The following PYM1 variants were observed in gnomAD, a reference collection of about 807,000 sequenced individuals.
PYM1 encodes the protein PYM1 exon junction complex associated factor.
PYM1 carries 7 observed loss-of-function variants against 20.7 expected under a neutral mutation model. The ratio of observed to expected loss-of-function variants is 0.34; its 90% CI spans 0.19 to 0.64. The LOEUF is 0.64. PYM1 is among the 30% of genes least tolerant of loss of function. The pLI, the probability that PYM1 is intolerant of heterozygous loss-of-function variation, is 0.74. For missense variants in PYM1, 194 were observed against 250.0 expected (o/e 0.78, Z 1.51); for synonymous variants, 100 against 99.2 (o/e 1.01, Z -0.05).
At chr12:55,905,906 TAGATATA>T (rs1882799787) in intron 1 of PYM1, among the ~76,000 whole-genome samples, 1 of 125,102 alleles carries the variant, frequency 8.0e-6, no homozygotes, top group East Asian at 2.1e-4. Flanking sequence ...ATATATCTAA[TAGATATA>T]TATATTATTA....
At chr12:55,908,456 GA>G (rs1217364052) in intron 1 of PYM1, among the ~76,000 whole-genome samples, 1 of 149,622 alleles carries the variant, frequency 6.7e-6, no homozygotes, top group Non-Finnish European at 1.5e-5. Context: ...AAAGAAAAAA[GA>G]AAAAAAGACT....
intron 1 of PYM1, among the ~76,000 whole-genome samples, chr12:55,918,965 G>T (rs186399710): frequency 6.6e-6 from 1 of 152,142 alleles, no homozygotes; most frequent in South Asian, 2.1e-4. Context: ...TTAAACAGGG[G>T]TTATCCCTAA....
intron 1 of PYM1, among the ~76,000 whole-genome samples, chr12:55,912,982 T>A (rs1592638597): frequency 6.6e-6 from 1 of 151,136 alleles, no homozygotes; most frequent in Non-Finnish European, 1.5e-5. Flanking sequence ...AAAAAAAAAA[T>A]AGAAACTAAA....
At chr12:55,927,374 G>A (rs1429296389) in intron 1 of PYM1, 1 of 719,974 alleles carries the variant, frequency 1.4e-6, no homozygotes, top group Non-Finnish European at 2.5e-6. Flanking sequence ...GAGAAGTTCC[G>A]AGGCACAGTC....
intron 1 of PYM1, among the ~76,000 whole-genome samples, chr12:55,912,047 T>G (rs1045125664): frequency 2.6e-5 from 4 of 152,000 alleles, no homozygotes; most frequent in African/African-American, 9.7e-5. Context: ...TTTAAAAACT[T>G]TTTTGAAAAT....
intron 1 of PYM1, among the ~76,000 whole-genome samples, chr12:55,916,778 C>G (rs1302594665): frequency 1.3e-5 from 2 of 151,914 alleles, no homozygotes; most frequent in African/African-American, 4.8e-5. Context: ...ACAGCCTGGG[C>G]AACAACAGCA....
At chr12:55,924,054 C>T (rs1266974267) in intron 1 of PYM1, among the ~76,000 whole-genome samples, 3 of 148,310 alleles carry the variant, frequency 2.0e-5, no homozygotes, top group Non-Finnish European at 3.0e-5. Flanking sequence ...CCAGCCTGGG[C>T]GACAGAGTGA....
At position 55,901,949 on chromosome 12, in the gene PYM1, T is replaced by C; in HGVS notation, c.538A>G (p.Ser180Gly). 6.2e-7 allele frequency: 1 copy of C among 1,614,162 alleles called. No homozygotes were observed. The highest frequency in any genetic ancestry group is 8.5e-7 in the Non-Finnish European group (1 of 1,180,028). ...RIQAGEVSQP[S>G]KEQLEKLARR... ...GCTAGCTTTTCTAGCTGCTCTTTGCTAGGCTGGCTGACTTCCCCAGCCTGG... is the reference window on the plus strand; with the variant it reads ...GCTAGCTTTTCTAGCTGCTCTTTGCCAGGCTGGCTGACTTCCCCAGCCTGG... Residue 180 changes from serine to glycine, a missense_variant, in exon 3 of 3, where the codon AGC becomes GGC. This residue lies in a region of PYM1 where 158 missense variants were observed against 179.0 expected (regional missense o/e 0.88). Coordinates refer to ENST00000408946, the MANE Select transcript of PYM1 (RefSeq NM_032345.3).
At chr12:55,919,289 C>A (rs2136267708) in intron 1 of PYM1, among the ~76,000 whole-genome samples, 1 of 152,252 alleles carries the variant, frequency 6.6e-6, no homozygotes. Flanking sequence ...GTTGGGACTA[C>A]AGGAGTGTGT....
At position 55,902,101 on chromosome 12, in the gene PYM1, T is replaced by C. The variant is rs1333952969; in HGVS notation, c.386A>G (p.Gln129Arg). The change falls in exon 3 of 3, where the codon CAG becomes CGG. Residue 129 changes from glutamine (Q) to arginine (R), a missense_variant. Gln to Arg is a conservative substitution (Grantham distance 43). Around this residue, in one of 3 missense-constraint regions of PYM1, gnomAD observed 158 missense variants for 179.0 expected, o/e 0.88. Coordinates refer to ENST00000408946, the MANE Select transcript of PYM1 (RefSeq NM_032345.3). ...AGCTGTGGGGGCTGCCCGAGAGCCC[T>C]GTGGAGCACTGGGGAGTTGGGCTGT... ...EETAQLPSAPQGSRAAPTAAS... is the reference protein window; with the variant it reads ...EETAQLPSAPRGSRAAPTAAS... The C allele has an allele frequency of 6.2e-7, 1 of 1,614,172 alleles. No homozygotes were observed. Among genetic ancestry groups the C allele is most frequent in the Non-Finnish European group, 8.5e-7 (1 of 1,180,028 alleles).
At chr12:55,910,466 A>C (rs1460467265) in intron 1 of PYM1, among the ~76,000 whole-genome samples, 1 of 151,540 alleles carries the variant, frequency 6.6e-6, no homozygotes, top group African/African-American at 2.4e-5. Flanking sequence ...GTTTTTTGAC[A>C]CAGTCTAACC....
intron 1 of PYM1, among the ~76,000 whole-genome samples, chr12:55,914,571 G>A (rs1354734306): frequency 1.3e-5 from 2 of 152,180 alleles, no homozygotes; most frequent in African/African-American, 4.8e-5. Context: ...CTTGTTTCCA[G>A]GGGTTGCAGG....
intron 1 of PYM1, among the ~76,000 whole-genome samples, chr12:55,910,991 CA>C (rs1170993457): frequency 1.3e-5 from 2 of 152,212 alleles, no homozygotes; most frequent in Non-Finnish European, 2.9e-5. Flanking sequence ...TTAGAGACAA[CA>C]GATGACAAAC....
Position 55,904,698 on chromosome 12 carries a change from G to A in PYM1, c.38-1218C>T, listed in dbSNP as rs1371859502. ...TCGAGACCAGCCTGGCCAACATGGT[G>A]AAACCCTGTCTCTACTAAAAATACA... On this transcript the variant is annotated intron_variant, in intron 1 of 2. Transcript: ENST00000408946. Among the ~76,000 whole-genome samples the A allele has an allele frequency of 2.0e-5, 3 of 150,770 alleles. No individual in the cohort carries two copies. In the South Asian group the frequency reaches 6.3e-4, roughly 32 times the overall value.
intron 1 of PYM1, among the ~76,000 whole-genome samples, chr12:55,905,903 TA>T (rs780940157): frequency 0.024 from 2,819 of 117,220 alleles, 509 homozygotes; most frequent in Middle Eastern, 0.037. Context: ...TATATATATC[TA>T]ATAGATATAT....
chr12:55,901,877 G>A lies in PYM1; in HGVS notation c.610C>T (p.Leu204Phe). 7 of 1,606,204 alleles carry A rather than the reference G, an allele frequency of 4.4e-6. No homozygotes were observed. The highest frequency in any genetic ancestry group is 5.1e-6 in the Non-Finnish European group (6 of 1,176,714). ...EEELEDLELG[L>F] Reference sequence around the variant, plus strand: ...TTCCCTATTCCCCAAAGGCCTCAGAGGCCTAACTCCAAGTCCTCTAACTCC... The same window carrying A: ...TTCCCTATTCCCCAAAGGCCTCAGAAGCCTAACTCCAAGTCCTCTAACTCC... Residue 204 changes from leucine (L) to phenylalanine (F), a missense_variant, in exon 3 of 3, where the codon CTC becomes TTC. This residue lies in a region of PYM1 where 158 missense variants were observed against 179.0 expected (regional missense o/e 0.88). Transcript: ENST00000408946.
At chr12:55,924,754 G>A (rs898413194) in intron 1 of PYM1, among the ~76,000 whole-genome samples, 1 of 152,208 alleles carries the variant, frequency 6.6e-6, no homozygotes, top group African/African-American at 2.4e-5. Flanking sequence ...TCAGCTCACT[G>A]CAACCTCTGC....
intron 1 of PYM1, among the ~76,000 whole-genome samples, chr12:55,904,092 C>T (rs1400089239): frequency 6.6e-6 from 1 of 151,956 alleles, no homozygotes; most frequent in African/African-American, 2.4e-5. Context: ...CTCAGCCTCC[C>T]GAGTAGCTAG....
Position 55,901,783 on chromosome 12 carries a change from C to A in PYM1, c.*89G>T, listed in dbSNP as rs117550030. The A allele has an allele frequency of 1.8e-3, 2,726 of 1,506,180 alleles. 71 individuals carry two copies. In the East Asian group the frequency reaches 0.052, roughly 29 times the overall value. The allele number at this position is 1,506,180 out of a possible 1,614,324, so 93.3% of individuals were successfully genotyped here. ...TGGAAGTAAGCCAGTATGGGGGGTACCCCTCCTGACTGCTGTTGCCCGTAT... is the reference window on the plus strand; with the variant it reads ...TGGAAGTAAGCCAGTATGGGGGGTAACCCTCCTGACTGCTGTTGCCCGTAT... On this transcript the variant is annotated 3_prime_UTR_variant, in exon 3 of 3. Coordinates refer to ENST00000408946, the MANE Select transcript of PYM1 (RefSeq NM_032345.3).
Sources: gnomAD v4.1 joint callset for allele counts (sites outside exome capture counted in the v4.1 genomes callset) on GRCh38, gnomAD v4.1.1 for gene constraint, gnomAD v4.1.1 regional missense constraint, MANE v1.5 for transcripts, NCBI Gene and HGNC (gene_info 2026-07-23, HGNC 2026-07-21) for gene names.